Variants in DYM observed in about 807,000 individuals in gnomAD.
The protein encoded by DYM is dymeclin.
DYM carries 78 observed loss-of-function variants against 93.1 expected under a neutral mutation model. That is an observed-to-expected ratio of 0.84 (90% CI 0.70 to 1.01). The LOEUF is 1.01. Among genes scored for constraint, DYM ranks in the 50% least tolerant of loss-of-function variants. DYM has a pLI of 0.00. For synonymous variants in DYM, 321 were observed against 319.7 expected (o/e 1.00, Z -0.04); for missense variants, 789 against 845.0 (o/e 0.93, Z 0.82).
chr18:49,241,382 C>A (rs1190349985), intron 13 of DYM, among the ~76,000 whole-genome samples: 1 of 152,206 alleles, frequency 6.6e-6, no homozygotes, highest in Non-Finnish European at 1.5e-5. Flanking sequence ...GGCTAAGTTT[C>A]AGTCTGAGTC....
intron 13 of DYM, among the ~76,000 whole-genome samples, chr18:49,254,578 A>G (rs959735020): frequency 2.0e-5 from 3 of 152,118 alleles, no homozygotes; most frequent in Admixed American, 1.3e-4. Flanking sequence ...TTTATTTTCT[A>G]CTTTTGCCAT....
intron 13 of DYM, among the ~76,000 whole-genome samples, chr18:49,239,008 C>T (rs1053452901): frequency 5.3e-5 from 8 of 152,154 alleles, no homozygotes; most frequent in African/African-American, 1.9e-4. Flanking sequence ...CAAGATAACA[C>T]AGCCCTACAT....
intron 3 of DYM, among the ~76,000 whole-genome samples, chr18:49,380,721 T>C (rs1357937708): frequency 6.6e-6 from 1 of 152,220 alleles, no homozygotes; most frequent in Non-Finnish European, 1.5e-5. Flanking sequence ...GGAGAGACTA[T>C]TTTGTAGAAC....
intron 13 of DYM, among the ~76,000 whole-genome samples, chr18:49,255,730 A>G (rs1248850309): frequency 6.6e-6 from 1 of 151,802 alleles, no homozygotes; most frequent in African/African-American, 2.4e-5. Context: ...TAAGAATTAA[A>G]GGAAACAATA....
At chr18:49,444,679 T>C (rs79204609) in intron 1 of DYM, among the ~76,000 whole-genome samples, 13,947 of 152,184 alleles carry the variant, frequency 0.092, 861 homozygotes, top group East Asian at 0.31. Context: ...ATTTCAAAAA[T>C]CATTTAACTG....
In DYM at chr18:49,133,919, T is replaced by C. The variant is rs192712004; in HGVS notation, c.1729-14993A>G. Among the ~76,000 whole-genome samples the C allele has an allele frequency of 2.0e-5, 3 of 152,338 alleles. No homozygotes were observed. In the East Asian group the frequency reaches 5.8e-4, roughly 29 times the overall value. On this transcript the variant is annotated intron_variant, in intron 15 of 17. Coordinates refer to ENST00000675505, the MANE Select transcript of DYM (RefSeq NM_001353214.3). ...TGTGGACACTTTTCAGGGGCTATTA[T>C]TATACCTACCACAATTCCAAATGTC...
chr18:49,286,570 C>T lies in DYM; in HGVS notation c.810G>A (p.Ala270=), dbSNP rs185475643. ...VFTLGGVGSK[A]AASPELSSPL... is the part of the protein sequence containing the mutation. ...GGGAAGAAAGCTCTGGAGAGGCAGC[C>T]GCTTTGCTGCCCACACCACCTAGTG... Residue 270 remains alanine (A), a synonymous_variant, in exon 9 of 18, where the codon GCG becomes GCA. Transcript: ENST00000675505. 2.0e-5 allele frequency: 32 copies of T among 1,614,046 alleles called. No individual in the cohort carries two copies. The highest frequency in any genetic ancestry group is 1.6e-4 in the African/African-American group (12 of 75,032).
At chr18:49,229,864 C>G (rs564826989) in intron 13 of DYM, among the ~76,000 whole-genome samples, 3 of 152,086 alleles carry the variant, frequency 2.0e-5, no homozygotes, top group Non-Finnish European at 4.4e-5. Context: ...TGAAAACATC[C>G]AAATGTCCTT....
chr18:49,312,314 T>C (rs2061647741), intron 8 of DYM, among the ~76,000 whole-genome samples: 1 of 152,182 alleles, frequency 6.6e-6, no homozygotes, highest in Non-Finnish European at 1.5e-5. Context: ...ATTGAGAACT[T>C]GTCTTCCTGT....
chr18:49,050,622 G>C (rs904705765), intron 17 of DYM, among the ~76,000 whole-genome samples: 1 of 151,928 alleles, frequency 6.6e-6, no homozygotes. Flanking sequence ...GAAGCCTTCT[G>C]CTTGAAGTTC....
At chr18:49,199,352 A>C (rs1336974155) in intron 14 of DYM, among the ~76,000 whole-genome samples, 1 of 152,268 alleles carries the variant, frequency 6.6e-6, no homozygotes, top group African/African-American at 2.4e-5. Context: ...CGTTGTGCCC[A>C]TGTACCCTAA....
At chr18:49,077,230 A>T (rs1174087298) in intron 17 of DYM, among the ~76,000 whole-genome samples, 4 of 152,248 alleles carry the variant, frequency 2.6e-5, no homozygotes, top group African/African-American at 9.6e-5. Context: ...GATGCAGAGT[A>T]GAAAGCCCCT....
intron 10 of DYM, among the ~76,000 whole-genome samples, chr18:49,273,360 G>T (rs1471095204): frequency 3.3e-5 from 5 of 152,096 alleles, no homozygotes; most frequent in African/African-American, 1.2e-4. Flanking sequence ...CTGACATTTT[G>T]TCAAACATAA....
chr18:49,420,431 G>A (rs76635158), intron 2 of DYM, among the ~76,000 whole-genome samples: 13,876 of 152,108 alleles, frequency 0.091, 852 homozygotes, highest in East Asian at 0.31. Context: ...GGTCTCCCAA[G>A]GTGTTTGGAT....
chr18:49,176,339 G>A (rs188667583), intron 14 of DYM, among the ~76,000 whole-genome samples: 6 of 152,160 alleles, frequency 3.9e-5, no homozygotes, highest in Admixed American at 2.6e-4. Flanking sequence ...TTAGCTTAAA[G>A]ACAATTATTT....
intron 14 of DYM, among the ~76,000 whole-genome samples, chr18:49,192,973 C>A (rs904630350): frequency 5.3e-5 from 8 of 152,066 alleles, no homozygotes; most frequent in African/African-American, 1.4e-4. Flanking sequence ...AAGTTTGATC[C>A]TTTTTTAGAT....
chr18:49,355,378 GATAC>G (rs1391343933), intron 6 of DYM, among the ~76,000 whole-genome samples: 2 of 147,416 alleles, frequency 1.4e-5, no homozygotes, highest in Non-Finnish European at 3.0e-5. Context: ...ATAGATAGAT[GATAC>G]ATAGATAGAT....
chr18:49,323,192 A>G (rs947259733), intron 8 of DYM, among the ~76,000 whole-genome samples: 3 of 152,212 alleles, frequency 2.0e-5, no homozygotes, highest in African/African-American at 7.2e-5. Context: ...TTTAAAAAAC[A>G]AAAACAAAAC....
chr18:49,248,194 A>T (rs1329608875), intron 13 of DYM, among the ~76,000 whole-genome samples: 1 of 152,254 alleles, frequency 6.6e-6, no homozygotes, highest in Non-Finnish European at 1.5e-5. Flanking sequence ...ACAATTATTA[A>T]AAACTTCTAT....
Sources: gnomAD v4.1 joint callset for allele counts (sites outside exome capture counted in the v4.1 genomes callset) on GRCh38, gnomAD v4.1.1 for gene constraint, MANE v1.5 for transcripts, NCBI Gene and HGNC (gene_info 2026-07-23, HGNC 2026-07-21) for gene names.